The following ATP8B1 variants were observed in gnomAD, a reference collection of about 807,000 sequenced individuals.
ATP8B1 encodes the protein phospholipid-transporting ATPase IC.
ATP8B1 carries 80 observed loss-of-function variants against 149.9 expected under a neutral mutation model. The ratio of observed to expected loss-of-function variants is 0.53; its 90% CI spans 0.45 to 0.64. ATP8B1 has a LOEUF of 0.64. Among genes scored for constraint, ATP8B1 ranks in the 30% least tolerant of loss-of-function variants. The pLI, the probability that ATP8B1 is intolerant of heterozygous loss-of-function variation, is 0.00. For missense variants in ATP8B1, 1,247 were observed against 1,552.6 expected, an observed-to-expected ratio of 0.80 and a Z score of 3.31; for synonymous variants, 536 against 562.8, an observed-to-expected ratio of 0.95 and a Z score of 0.67.
chr18:57,772,474 G>A (rs757401309), intron 1 of ATP8B1, among the ~76,000 whole-genome samples: 4 of 152,180 alleles, frequency 2.6e-5, no homozygotes, highest in Non-Finnish European at 4.4e-5. Flanking sequence ...TAAAGTGCGG[G>A]TAGACAGGGG....
chr18:57,653,860 G>A, intron 24 of ATP8B1, 132 bp downstream of exon 24: 2 of 885,726 alleles, frequency 2.3e-6, no homozygotes, highest in Non-Finnish European at 3.6e-6. Flanking sequence ...CTTGATGCCT[G>A]ACAACAGAAT....
chr18:57,713,263 C>CT (rs1555694288), intron 2 of ATP8B1, among the ~76,000 whole-genome samples: 12 of 94,510 alleles, frequency 1.3e-4, no homozygotes, highest in African/African-American at 4.6e-4. Flanking sequence ...TTCTTTCTTT[C>CT]TCTTTCTTTC....
At chr18:57,735,724 A>C (rs72948017) in intron 1 of ATP8B1, 12,735 of 152,262 alleles carry the variant, frequency 0.084, 731 homozygotes, top group Non-Finnish European at 0.12. Context: ...AATGGAGCCA[A>C]ATTTTTTAAA....
At chr18:57,659,803 G>A (rs1254809330) in intron 22 of ATP8B1, 3 of 152,174 alleles carry the variant, frequency 2.0e-5, no homozygotes, top group Non-Finnish European at 2.9e-5. Context: ...ATACATCAAG[G>A]AGGAGGAGGA....
intron 1 of ATP8B1, among the ~76,000 whole-genome samples, chr18:57,738,411 G>T (rs918563377): frequency 6.6e-6 from 1 of 152,144 alleles, no homozygotes. Context: ...ATCAACTGAG[G>T]TCAAGAGTTC....
intron 1 of ATP8B1, among the ~76,000 whole-genome samples, chr18:57,785,667 A>T (rs1402132984): frequency 6.6e-6 from 1 of 151,970 alleles, no homozygotes; most frequent in East Asian, 1.9e-4. Context: ...CACCATGCCC[A>T]GCTAATTTTT....
chr18:57,772,888 A>T (rs901353451), intron 1 of ATP8B1, among the ~76,000 whole-genome samples: 3 of 152,144 alleles, frequency 2.0e-5, no homozygotes. Flanking sequence ...GAAGTGCAGG[A>T]TCCATCTGTG....
chr18:57,715,686 A>T (rs1247360170), intron 2 of ATP8B1, among the ~76,000 whole-genome samples: 1 of 152,234 alleles, frequency 6.6e-6, no homozygotes, highest in Non-Finnish European at 1.5e-5. Context: ...TTTTCAGTGG[A>T]AACCTTATAG....
intron 2 of ATP8B1, among the ~76,000 whole-genome samples, chr18:57,708,157 CAAAAA>C (rs36027330): frequency 1.5e-5 from 1 of 67,074 alleles, no homozygotes. Context: ...AACTCTGTCT[CAAAAA>C]AAAAAAAAAA....
In ATP8B1 at chr18:57,694,571, AAAAT is replaced by A. The variant is rs1912706363; in HGVS notation, c.1029+7_1029+10del. 5.3e-6 allele frequency: 8 copies of A among 1,517,182 alleles called. No individual in the cohort carries two copies. The highest frequency in any genetic ancestry group is 7.3e-6 in the Non-Finnish European group (8 of 1,092,746). 94.0% of individuals were successfully genotyped at this position (1,517,182 alleles called of 1,614,324 possible). Reference sequence around the variant, plus strand: ...CTAGATGAGAGATCTACTGAGATGAAAAATAAATACCGTGTAAACCATGTAGTTC... The same window carrying A: ...CTAGATGAGAGATCTACTGAGATGAAAAATACCGTGTAAACCATGTAGTTC... On this transcript the variant is annotated splice_region_variant and intron_variant, in intron 11 of 27. Transcript: ENST00000648908.
chr18:57,650,562 G>C (rs548623313), intron 26 of ATP8B1, 65 bp from the exon 27 acceptor site: 8 of 1,573,428 alleles, frequency 5.1e-6, no homozygotes, highest in Non-Finnish European at 6.9e-6. Flanking sequence ...TTAATATTTC[G>C]CCAGGTGTGG....
chr18:57,761,112 T>TAAAATAAA (rs1399687791), intron 1 of ATP8B1, among the ~76,000 whole-genome samples: 1 of 133,558 alleles, frequency 7.5e-6, no homozygotes, highest in African/African-American at 2.7e-5. Flanking sequence ...TAAAATAAAA[T>TAAAATAAA]ATAAAATAAA....
At chr18:57,707,603 G>A (rs913702680) in intron 2 of ATP8B1, among the ~76,000 whole-genome samples, 4 of 151,120 alleles carry the variant, frequency 2.6e-5, no homozygotes, top group African/African-American at 7.3e-5. Flanking sequence ...CTGCCTCCCG[G>A]GTTCAAGTGA....
In ATP8B1 at chr18:57,647,828, C is replaced by G. The variant is rs1909273697; in HGVS notation, c.*660G>C. ...CCACGATCTCGGCTCACTGGAACCT[C>G]CACCTCCCAGGTTCAAGCGATTTCC... On this transcript the variant is annotated 3_prime_UTR_variant, in exon 28 of 28. Coordinates refer to ENST00000648908, the MANE Select transcript of ATP8B1 (RefSeq NM_001374385.1). The G allele has an allele frequency of 6.3e-6, 1 of 157,988 alleles. No homozygotes were observed. The highest frequency in any genetic ancestry group is 2.4e-5 in the African/African-American group (1 of 41,428). 9.8% of individuals were successfully genotyped at this position (157,988 alleles called of 1,614,324 possible). A position where few individuals can be genotyped will look rare whatever the true frequency, so the allele number is the denominator to read the frequency against.
intron 27 of ATP8B1, among the ~76,000 whole-genome samples, chr18:57,648,964 C>A (rs1241935869): frequency 6.6e-6 from 1 of 151,910 alleles, no homozygotes; most frequent in Admixed American, 6.6e-5. Context: ...ATGGCACGAT[C>A]TTGGCTCACT....
intron 4 of ATP8B1, among the ~76,000 whole-genome samples, chr18:57,703,495 A>T (rs1011373804): frequency 6.6e-6 from 1 of 151,632 alleles, no homozygotes; most frequent in Non-Finnish European, 1.5e-5. Flanking sequence ...GCTTGAACCC[A>T]AGAGAAGGAG....
At chr18:57,692,331 CA>C (rs367881794) in intron 11 of ATP8B1, among the ~76,000 whole-genome samples, 335 of 149,606 alleles carry the variant, frequency 2.2e-3, no homozygotes, top group Non-Finnish European at 4.0e-3. Context: ...TGAACAATAA[CA>C]TACTGTTTGG....
At chr18:57,720,294 C>A (rs1405857457) in intron 2 of ATP8B1, among the ~76,000 whole-genome samples, 1 of 117,874 alleles carries the variant, frequency 8.5e-6, no homozygotes, top group Non-Finnish European at 1.8e-5. Context: ...GATCAAATTA[C>A]TCTGAGCTAC....
At chr18:57,774,101 G>A (rs544382969) in intron 1 of ATP8B1, among the ~76,000 whole-genome samples, 6 of 152,274 alleles carry the variant, frequency 3.9e-5, no homozygotes, top group Admixed American at 6.5e-5. Context: ...TGGTCCTGGA[G>A]CTTGGGGCCA....
Sources: allele counts gnomAD v4.1 joint callset (sites outside exome capture counted in the v4.1 genomes callset), GRCh38; gene constraint gnomAD v4.1.1; transcripts MANE v1.5; gene names NCBI Gene and HGNC (gene_info 2026-07-23, HGNC 2026-07-21).